Variants in PRH1 observed in about 807,000 individuals in gnomAD.
PRH1 encodes salivary acidic proline-rich phosphoprotein 1/2.
Under a neutral mutation model 7.9 loss-of-function variants are expected in PRH1, and 7 were observed. The ratio of observed to expected loss-of-function variants is 0.89; its 90% CI spans 0.50 to 1.67. The LOEUF is 1.67. Ranked by LOEUF, PRH1 falls within the 40% of genes most tolerant of loss-of-function variation. The pLI is 0.00. For missense variants in PRH1, 109 were observed against 223.6 expected, an observed-to-expected ratio of 0.49 and a Z score of 3.27; for synonymous variants, 45 against 80.8, an observed-to-expected ratio of 0.56 and a Z score of 2.38.
At chr12:11,134,262 G>GA (rs1565690428) in intron 1 of PRH1, 2 of 1,593,834 alleles carry the variant, frequency 1.3e-6, no homozygotes, top group Non-Finnish European at 1.7e-6. Context: ...CAGACAAAAA[G>GA]AAATTTTTAA....
chr12:11,125,196 T>C (rs990759420), intron 1 of PRH1, among the ~76,000 whole-genome samples: 1 of 152,266 alleles, frequency 6.6e-6, no homozygotes, highest in African/African-American at 2.4e-5. Context: ...TCACATAATA[T>C]TTCGTCAAGA....
intron 2 of PRH1, among the ~76,000 whole-genome samples, chr12:10,971,101 C>T (rs948310255): frequency 7.1e-5 from 10 of 140,990 alleles, no homozygotes; most frequent in African/African-American, 2.3e-4. Flanking sequence ...CTTTACTCCC[C>T]GTGTTTACCA....
At chr12:10,961,970 A>G (rs1474758144) in intron 2 of PRH1, among the ~76,000 whole-genome samples, 2 of 152,208 alleles carry the variant, frequency 1.3e-5, no homozygotes, top group Non-Finnish European at 2.9e-5. Flanking sequence ...TTGTTACAAT[A>G]CATCCCAACA....
At chr12:10,920,823 G>A (rs1282354247) in intron 2 of PRH1, among the ~76,000 whole-genome samples, 1 of 151,962 alleles carries the variant, frequency 6.6e-6, no homozygotes, top group East Asian at 1.9e-4. Context: ...TAAATGAAAA[G>A]CTCTATGTTA....
At chr12:11,128,040 G>A (rs1252974305) in intron 1 of PRH1, among the ~76,000 whole-genome samples, 1 of 145,620 alleles carries the variant, frequency 6.9e-6, no homozygotes, top group East Asian at 2.0e-4. Flanking sequence ...GAACCCAGGA[G>A]GCGGAGCTTG....
intron 1 of PRH1, among the ~76,000 whole-genome samples, chr12:11,124,494 AGTTT>A (rs1287845837): frequency 6.6e-6 from 1 of 152,274 alleles, no homozygotes; most frequent in Non-Finnish European, 1.5e-5. Context: ...TCCTTGGATT[AGTTT>A]AATATCATCT....
At chr12:11,146,146 G>T (rs1946853502) in intron 1 of PRH1, among the ~76,000 whole-genome samples, 1 of 151,898 alleles carries the variant, frequency 6.6e-6, no homozygotes, top group Non-Finnish European at 1.5e-5. Context: ...TTTACTATCT[G>T]GATACCTTTT....
chr12:11,098,898 A>T (rs1945144079), intron 1 of PRH1, among the ~76,000 whole-genome samples: 1 of 152,204 alleles, frequency 6.6e-6, no homozygotes, highest in African/African-American at 2.4e-5. Flanking sequence ...ATAAAAAATG[A>T]GTTTCCAAGA....
intron 1 of PRH1, among the ~76,000 whole-genome samples, chr12:11,170,344 A>C (rs1013428841): frequency 1.1e-4 from 16 of 152,162 alleles, no homozygotes; most frequent in Admixed American, 6.5e-5. Flanking sequence ...CAGGAGATCG[A>C]GACCATCCTG....
rs182154878 is a variant in PRH1 at position 11,075,179 on chromosome 12, T to G, written n.124-27991A>C. Among the ~76,000 whole-genome samples, 97 of 121,750 alleles carry G rather than the reference T, an allele frequency of 8.0e-4. 1 individual carries two copies. The East Asian group carries it at 0.014, about 17-fold the overall frequency. 79.9% of individuals were successfully genotyped at this position (121,750 alleles called of 152,430 possible). A position where few individuals can be genotyped will look rare whatever the true frequency, so the allele number is the denominator to read the frequency against. On this transcript the variant is annotated intron_variant and non_coding_transcript_variant, in intron 1 of 4. Transcript: ENST00000541977. Reference sequence around the variant, plus strand: ...ATTTATAATATGGCAATTAAAACATTCATTTAGAAAGGATACTAAAATATA... The same window carrying G: ...ATTTATAATATGGCAATTAAAACATGCATTTAGAAAGGATACTAAAATATA...
chr12:10,919,538 A>G (rs1950017211), intron 2 of PRH1, among the ~76,000 whole-genome samples: 1 of 152,218 alleles, frequency 6.6e-6, no homozygotes, highest in Admixed American at 6.5e-5. Flanking sequence ...TTCTTGTAAA[A>G]GTTTTAAAGA....
rs74782594 is a variant in PRH1 at position 11,092,665 on chromosome 12, C to A, written n.124-45477G>T. 2.6e-5 allele frequency among the ~76,000 whole-genome samples: 3 copies of A among 115,164 alleles called. 1 individual carries two copies. Among genetic ancestry groups the A allele is most frequent in the African/African-American group, 8.8e-5 (3 of 34,248 alleles). 75.6% of individuals were successfully genotyped at this position (115,164 alleles called of 152,430 possible). A position where few individuals can be genotyped will look rare whatever the true frequency, so the allele number is the denominator to read the frequency against. The stretch of plus-strand genomic sequence containing the variant: ...CGCTGATTGCTGTGGTTTTACAGTG[C>A]GCTGATTGGTGCATTTTACAATCCC... On this transcript the variant is annotated intron_variant and non_coding_transcript_variant, in intron 1 of 4. Transcript: ENST00000541977.
intron 1 of PRH1, among the ~76,000 whole-genome samples, chr12:11,053,574 A>G (rs1416987788): frequency 6.6e-6 from 1 of 152,272 alleles, no homozygotes; most frequent in African/African-American, 2.4e-5. Flanking sequence ...GCTGTTTACT[A>G]ATGTAACTTT....
At chr12:11,012,515 T>C (rs949493958) in intron 1 of PRH1, among the ~76,000 whole-genome samples, 1 of 152,170 alleles carries the variant, frequency 6.6e-6, no homozygotes, top group East Asian at 1.9e-4. Context: ...TTAGTTATTC[T>C]TTCGATTCTG....
intron 1 of PRH1, among the ~76,000 whole-genome samples, chr12:11,149,366 TC>T (rs1484354239): frequency 6.6e-6 from 1 of 152,156 alleles, no homozygotes; most frequent in Non-Finnish European, 1.5e-5. Context: ...GCCAAGTCAA[TC>T]CTAAGCCAAA....
At chr12:10,986,198 G>C (rs753611095) in intron 1 of PRH1, 2 of 1,614,100 alleles carry the variant, frequency 1.2e-6, no homozygotes, top group East Asian at 4.5e-5. Context: ...TGTGGACCTT[G>C]GTGCTGAGAT....
intron 2 of PRH1, among the ~76,000 whole-genome samples, chr12:10,903,614 G>C (rs934259288): frequency 3.3e-5 from 5 of 151,456 alleles, no homozygotes; most frequent in African/African-American, 1.2e-4. Flanking sequence ...TTGAGAACTG[G>C]AACAAGAAAA....
upstream of PRH1, among the ~76,000 whole-genome samples, chr12:10,884,745 T>C (rs1276473504): frequency 6.6e-6 from 1 of 152,166 alleles, no homozygotes; most frequent in Non-Finnish European, 1.5e-5. Context: ...TTTAGCTAAA[T>C]TTTTCATGTA....
At chr12:11,048,808 C>A, upstream of PRH1, 1 of 296,630 alleles carries the variant, frequency 3.4e-6, no homozygotes. Flanking sequence ...CACACTCTCA[C>A]CCGTGGTTAT....
Sources: allele counts gnomAD v4.1 joint callset (sites outside exome capture counted in the v4.1 genomes callset), GRCh38; gene constraint gnomAD v4.1.1; transcripts MANE v1.5; gene names NCBI Gene and HGNC (gene_info 2026-07-23, HGNC 2026-07-21).